Variants in WWC2 observed in about 807,000 individuals in gnomAD.
The protein encoded by WWC2 is protein WWC2.
WWC2 carries 101 observed loss-of-function variants against 138.5 expected under a neutral mutation model. The observed-to-expected ratio is 0.73, with a 90% CI of 0.62 to 0.86. The LOEUF (loss-of-function observed/expected upper bound fraction) is 0.86, where lower values mean the gene tolerates loss of function less well. Among genes scored for constraint, WWC2 ranks in the 40% least tolerant of loss-of-function variants. The probability of loss-of-function intolerance (pLI) is 0.00; values close to 1 mark genes in which losing one functional copy is unlikely to be tolerated. For missense variants in WWC2, 1,420 were observed against 1,419.4 expected (o/e 1.00, Z -0.01); for synonymous variants, 558 against 538.4 (o/e 1.04, Z -0.50).
At chr4:183,153,632 C>A (rs1733707369) in intron 1 of WWC2, among the ~76,000 whole-genome samples, 1 of 150,856 alleles carries the variant, frequency 6.6e-6, no homozygotes, top group Non-Finnish European at 1.5e-5. Context: ...AACATTATTG[C>A]CCTAGAAGTA....
intron 16 of WWC2, among the ~76,000 whole-genome samples, chr4:183,272,426 A>G (rs949035007): frequency 6.6e-6 from 1 of 152,250 alleles, no homozygotes; most frequent in African/African-American, 2.4e-5. Flanking sequence ...TATAATTCAT[A>G]CATCATACAT....
intron 1 of WWC2, among the ~76,000 whole-genome samples, chr4:183,113,554 T>C (rs562358161): frequency 5.9e-5 from 9 of 151,354 alleles, no homozygotes; most frequent in South Asian, 2.1e-4. Context: ...GCATGCAAGA[T>C]GATCTTACTC....
chr4:183,147,412 C>T (rs1365615694), intron 1 of WWC2, among the ~76,000 whole-genome samples: 1 of 152,178 alleles, frequency 6.6e-6, no homozygotes, highest in Non-Finnish European at 1.5e-5. Context: ...ATTTTCTCTA[C>T]AAGTCGCTGC....
chr4:183,252,659 C>G (rs1214230211), intron 8 of WWC2, among the ~76,000 whole-genome samples: 1 of 152,184 alleles, frequency 6.6e-6, no homozygotes, highest in Admixed American at 6.5e-5. Flanking sequence ...AGTGAAGGTC[C>G]ACCGTATGCT....
At chr4:183,151,570 T>C (rs1449154559) in intron 1 of WWC2, among the ~76,000 whole-genome samples, 2 of 152,228 alleles carry the variant, frequency 1.3e-5, no homozygotes, top group East Asian at 1.9e-4. Context: ...AATTTTGGCT[T>C]TTGTTGCCAT....
At chr4:183,146,968 G>A (rs1371156842) in intron 1 of WWC2, among the ~76,000 whole-genome samples, 4 of 152,072 alleles carry the variant, frequency 2.6e-5, no homozygotes, top group Admixed American at 1.3e-4. Flanking sequence ...TAATGTTCTC[G>A]AGAAACACTT....
intron 9 of WWC2, among the ~76,000 whole-genome samples, chr4:183,257,798 G>A (rs1737195129): frequency 6.6e-6 from 1 of 152,150 alleles, no homozygotes; most frequent in African/African-American, 2.4e-5. Context: ...TCCCAGGGAA[G>A]GTTTCATCTC....
At chr4:183,130,435 T>C (rs1384136798) in intron 1 of WWC2, among the ~76,000 whole-genome samples, 1 of 152,220 alleles carries the variant, frequency 6.6e-6, no homozygotes, top group Non-Finnish European at 1.5e-5. Context: ...GTGATCTTCA[T>C]GGCAGAGTAG....
chr4:183,240,090 G>A (rs1736569507), intron 4 of WWC2, 93 bp from the exon 5 acceptor site: 3 of 851,256 alleles, frequency 3.5e-6, no homozygotes, highest in Middle Eastern at 3.4e-4. Flanking sequence ...CTTTGTTTAT[G>A]TGTTTGTTTA....
chr4:183,243,096 T>C (rs1282718434), intron 5 of WWC2, among the ~76,000 whole-genome samples: 2 of 152,244 alleles, frequency 1.3e-5, no homozygotes, highest in African/African-American at 4.8e-5. Flanking sequence ...CAAAGCTCTC[T>C]GAAATTTAAA....
At chr4:183,230,092 A>G (rs918510776) in intron 4 of WWC2, among the ~76,000 whole-genome samples, 3 of 152,010 alleles carry the variant, frequency 2.0e-5, no homozygotes, top group African/African-American at 7.3e-5. Context: ...CTCAAATTAA[A>G]TTGGGATTAG....
At chr4:183,271,054 T>G in intron 15 of WWC2, 26 bp from the exon 16 acceptor site, 2 of 1,467,100 alleles carry the variant, frequency 1.4e-6, no homozygotes, top group African/African-American at 1.4e-5. Flanking sequence ...TTATTTTTTT[T>G]TCTTTGTTTT....
intron 1 of WWC2, among the ~76,000 whole-genome samples, chr4:183,133,152 CTTTTTTTT>C (rs374079982): frequency 1.7e-5 from 1 of 59,190 alleles, no homozygotes; most frequent in African/African-American, 6.4e-5. Flanking sequence ...TCTTTTTTTT[CTTTTTTTT>C]TTTTTTTTGA....
chr4:183,120,703 T>G (rs770031877), intron 1 of WWC2, among the ~76,000 whole-genome samples: 5 of 152,202 alleles, frequency 3.3e-5, no homozygotes, highest in Non-Finnish European at 7.3e-5. Flanking sequence ...TTACCTTATC[T>G]TTAGTTTTGG....
At chr4:183,299,659 CCA>C (rs749114665) in intron 21 of WWC2, among the ~76,000 whole-genome samples, 1 of 152,264 alleles carries the variant, frequency 6.6e-6, no homozygotes, top group African/African-American at 2.4e-5. Context: ...CTCCTCACTT[CCA>C]CAGTCATTTG....
At chr4:183,165,313 T>G (rs1436218585) in intron 1 of WWC2, among the ~76,000 whole-genome samples, 3 of 152,114 alleles carry the variant, frequency 2.0e-5, no homozygotes, top group South Asian at 2.1e-4. Context: ...TTGGGAAGCC[T>G]TCTTCTTTCC....
chr4:183,290,417 C>G (rs1371562261), intron 21 of WWC2, among the ~76,000 whole-genome samples: 1 of 151,544 alleles, frequency 6.6e-6, no homozygotes, highest in East Asian at 1.9e-4. Context: ...ATTCGGGAGA[C>G]TGAGGCAGAG....
chr4:183,165,975 A>T (rs137990005), intron 1 of WWC2, among the ~76,000 whole-genome samples: 1 of 152,342 alleles, frequency 6.6e-6, no homozygotes, highest in Admixed American at 6.5e-5. Context: ...TTTATGTAGC[A>T]GTGTTTTAAT....
rs182281206 is a variant in WWC2, at chr4:183,292,810, A to T, written c.3384+3175A>T. 3.3e-5 allele frequency among the ~76,000 whole-genome samples: 5 copies of T among 152,362 alleles called. No homozygotes were observed. The East Asian group carries it at 9.6e-4, about 29-fold the overall frequency. On this transcript the variant is annotated intron_variant, in intron 21 of 22. Coordinates refer to ENST00000403733, the MANE Select transcript of WWC2 (RefSeq NM_024949.6). ...AACACTAGATAAAGATTCTATCAAA[A>T]GGAAAATCGCAGGCCAGGCCAGTTT... is the stretch of plus-strand genomic sequence containing the variant.
Sources: allele counts gnomAD v4.1 joint callset (sites outside exome capture counted in the v4.1 genomes callset), GRCh38; gene constraint gnomAD v4.1.1; transcripts MANE v1.5; gene names NCBI Gene and HGNC (gene_info 2026-07-23, HGNC 2026-07-21).